ZNF385B: variants seen among roughly 807,000 people sequenced by gnomAD.
ZNF385B encodes the protein zinc finger protein 533.
Under a neutral mutation model 39.2 loss-of-function variants are expected in ZNF385B, and 23 were observed. That is an observed-to-expected ratio of 0.59 (90% confidence interval 0.42 to 0.83). The LOEUF (loss-of-function observed/expected upper bound fraction) is 0.83, where lower values mean the gene tolerates loss of function less well. Among genes scored for constraint, ZNF385B ranks in the 40% least tolerant of loss-of-function variants. The pLI is 0.00. For synonymous variants in ZNF385B, 205 were observed against 222.6 expected (o/e 0.92, Z 0.70); for missense variants, 552 against 598.9 (o/e 0.92, Z 0.82).
intron 3 of ZNF385B, among the ~76,000 whole-genome samples, chr2:179,720,682 G>T (rs1700632201): frequency 6.6e-6 from 1 of 151,990 alleles, no homozygotes; most frequent in South Asian, 2.1e-4. Context: ...TAAATATTAG[G>T]TTAAATATAA....
chr2:179,567,024 C>T (rs562597277), intron 3 of ZNF385B, among the ~76,000 whole-genome samples: 2 of 150,798 alleles, frequency 1.3e-5, no homozygotes, highest in East Asian at 3.9e-4. Flanking sequence ...AAGTGATTCT[C>T]CCTGCTTCCG....
intron 3 of ZNF385B, among the ~76,000 whole-genome samples, chr2:179,711,913 T>C (rs377393532): frequency 3.9e-5 from 5 of 129,142 alleles, no homozygotes; most frequent in African/African-American, 1.5e-4. Context: ...TTTTTACAAA[T>C]GGTAGCAGTT....
chr2:179,754,846 T>C (rs185100525), intron 3 of ZNF385B, among the ~76,000 whole-genome samples: 1,720 of 152,196 alleles, frequency 0.011, 113 homozygotes, highest in Admixed American at 0.11. Context: ...GTCTTGCTAG[T>C]GGTCTATCAA....
chr2:179,623,207 C>T (rs540512148), intron 3 of ZNF385B, among the ~76,000 whole-genome samples: 10 of 151,620 alleles, frequency 6.6e-5, no homozygotes, highest in Non-Finnish European at 1.3e-4. Flanking sequence ...AATTTAGCTC[C>T]AAAAATCAAT....
chr2:179,609,343 TG>T, intron 3 of ZNF385B, among the ~76,000 whole-genome samples: 1 of 152,310 alleles, frequency 6.6e-6, no homozygotes, highest in East Asian at 1.9e-4. Flanking sequence ...TTTCTGTGCC[TG>T]GCTTATTTCA....
chr2:179,690,537 G>A (rs1219646936), intron 3 of ZNF385B, among the ~76,000 whole-genome samples: 1 of 152,146 alleles, frequency 6.6e-6, no homozygotes, highest in African/African-American at 2.4e-5. Context: ...AAATCATGCT[G>A]TTCAAGGGCC....
chr2:179,576,813 G>C (rs1165574622), intron 3 of ZNF385B, among the ~76,000 whole-genome samples: 4 of 152,154 alleles, frequency 2.6e-5, no homozygotes, highest in African/African-American at 9.7e-5. Flanking sequence ...TCAGCTCTAA[G>C]CCATATCCAC....
chr2:179,851,207 G>A (rs569496786), intron 1 of ZNF385B, among the ~76,000 whole-genome samples: 1 of 152,182 alleles, frequency 6.6e-6, no homozygotes, highest in East Asian at 1.9e-4. Flanking sequence ...CCCCAATGCT[G>A]TGGGAGGACA....
At chr2:179,448,004 A>T (rs1328164678) in intron 6 of ZNF385B, among the ~76,000 whole-genome samples, 2 of 148,274 alleles carry the variant, frequency 1.3e-5, no homozygotes, top group Non-Finnish European at 3.0e-5. Flanking sequence ...AGTTGGATCC[A>T]TTCAGGTTGA....
chr2:179,653,374 TAGA>T (rs1489494433), intron 3 of ZNF385B, among the ~76,000 whole-genome samples: 8 of 152,212 alleles, frequency 5.3e-5, no homozygotes, highest in African/African-American at 1.7e-4. Context: ...GGCCTCTCTC[TAGA>T]AGAACAGCTC....
At chr2:179,752,433 C>G (rs1270206112) in intron 3 of ZNF385B, among the ~76,000 whole-genome samples, 1 of 152,190 alleles carries the variant, frequency 6.6e-6, no homozygotes, top group African/African-American at 2.4e-5. Context: ...GATTTATAAT[C>G]CTTTGGGTAT....
intron 3 of ZNF385B, among the ~76,000 whole-genome samples, chr2:179,760,842 C>A (rs1022653132): frequency 2.0e-5 from 3 of 152,182 alleles, no homozygotes; most frequent in Non-Finnish European, 2.9e-5. Flanking sequence ...AATTCTAGGG[C>A]AGCCACCAGA....
At chr2:179,612,605 C>G (rs1260608071) in intron 3 of ZNF385B, among the ~76,000 whole-genome samples, 2 of 152,142 alleles carry the variant, frequency 1.3e-5, no homozygotes, top group African/African-American at 2.4e-5. Context: ...CCTCTCTGTG[C>G]TGAGTTATCT....
At chr2:179,548,404 G>A (rs1015851526) in intron 3 of ZNF385B, among the ~76,000 whole-genome samples, 3 of 141,004 alleles carry the variant, frequency 2.1e-5, no homozygotes, top group Non-Finnish European at 3.1e-5. Flanking sequence ...ACTCTGGCAT[G>A]TAAGGTTTGT....
chr2:179,814,429 T>G (rs1706931015), intron 1 of ZNF385B: 1 of 445,250 alleles, frequency 2.2e-6, no homozygotes, highest in Non-Finnish European at 4.5e-6. Context: ...GTTATTTTTC[T>G]TGTGAATATT....
intron 3 of ZNF385B, among the ~76,000 whole-genome samples, chr2:179,753,388 C>T (rs559865698): frequency 2.8e-4 from 42 of 152,138 alleles, no homozygotes; most frequent in African/African-American, 9.6e-4. Context: ...TCCAGCTTTG[C>T]TCTTTTGGCT....
At chr2:179,748,234 G>A in intron 3 of ZNF385B, among the ~76,000 whole-genome samples, 1 of 151,878 alleles carries the variant, frequency 6.6e-6, no homozygotes, top group East Asian at 1.9e-4. Flanking sequence ...CTAGGACATG[G>A]AAAAGATAGG....
chr2:179,688,897 G>A (rs1698137770), intron 3 of ZNF385B, among the ~76,000 whole-genome samples: 1 of 152,030 alleles, frequency 6.6e-6, no homozygotes, highest in Non-Finnish European at 1.5e-5. Context: ...AAAAGACTAG[G>A]TTTTAAAAAT....
At chr2:179,567,834 A>T (rs2105985273) in intron 3 of ZNF385B, among the ~76,000 whole-genome samples, 1 of 152,292 alleles carries the variant, frequency 6.6e-6, no homozygotes, top group Non-Finnish European at 1.5e-5. Flanking sequence ...TCCTGCTTCC[A>T]TCCATGTCAC....
Sources: allele counts gnomAD v4.1 joint callset (sites outside exome capture counted in the v4.1 genomes callset), GRCh38; gene constraint gnomAD v4.1.1; transcripts MANE v1.5; gene names NCBI Gene and HGNC (gene_info 2026-07-23, HGNC 2026-07-21).